SELP: variants seen among roughly 807,000 people sequenced by gnomAD.
SELP encodes the protein selectin P.
A neutral mutation model predicts 104.1 loss-of-function variants in SELP; 92 were observed. That is an observed-to-expected ratio of 0.88 (90% confidence interval 0.75 to 1.05). The LOEUF (loss-of-function observed/expected upper bound fraction) is 1.05. Among genes scored for constraint, SELP ranks in the 50% least tolerant of loss-of-function variants. The probability of loss-of-function intolerance (pLI) is 0.00; values close to 1 mark genes in which losing one functional copy is unlikely to be tolerated. For synonymous variants in SELP, 397 were observed against 364.5 expected, an observed-to-expected ratio of 1.09 and a Z score of -1.01; for missense variants, 1,022 against 1,017.3, an observed-to-expected ratio of 1.00 and a Z score of -0.06.
chr1:169,615,757 T>C lies in SELP; in HGVS notation c.481+1271A>G, dbSNP rs1281143369. 2.0e-5 allele frequency among the ~76,000 whole-genome samples: 3 copies of C among 152,186 alleles called. No individual in the cohort carries two copies. The East Asian group carries it at 5.8e-4, about 29-fold the overall frequency. On this transcript the variant is annotated intron_variant, in intron 3 of 16. Transcript: ENST00000263686. ...TAGATCTGATTATATGATAATGCAT[T>C]CATGGATATGTTTTGCCTCAGCTAG...
rs1246155405 is a variant in SELP, at chr1:169,612,296, C to T, written c.882G>A (p.Glu294=). 3 of 1,614,068 alleles carry T rather than the reference C, an allele frequency of 1.9e-6. No individual in the cohort carries two copies. Among genetic ancestry groups the T allele is most frequent in the Non-Finnish European group, 1.7e-6 (2 of 1,180,036 alleles). Reference sequence around the variant, plus strand: ...CTTCCGGTCCAACTAATGCAAATCCCTCTTCACAACTGAAGCTGCAGCTAG... The same window carrying T: ...CTTCCGGTCCAACTAATGCAAATCCTTCTTCACAACTGAAGCTGCAGCTAG... ...HQSSCSFSCE[E]GFALVGPEVV... The change falls in exon 6 of 17, where the codon GAG becomes GAA. Residue 294 remains glutamate, a synonymous_variant. Coordinates refer to ENST00000263686, the MANE Select transcript of SELP (RefSeq NM_003005.4).
Position 169,607,130 on chromosome 1 carries a change from C to G in SELP, c.1338G>C (p.Leu446Phe). 6.3e-7 allele frequency: 1 copy of G among 1,596,780 alleles called. No homozygotes were observed. The highest frequency in any genetic ancestry group is 8.6e-7 in the Non-Finnish European group (1 of 1,166,304). Reference protein sequence around the residue: ...WTAPAPVCQALQCQDLPVPNE... With the variant: ...WTAPAPVCQAFQCQDLPVPNE... The stretch of plus-strand genomic sequence containing the variant: ...TTGGAACTGGGAGATCCTGGCACTG[C>G]AAAGCTAAGGGATGAGGAAGTAAGG... Residue 446 changes from leucine to phenylalanine, a missense_variant, in exon 9 of 17, where the codon TTG becomes TTC. Physicochemically the swap from Leu to Phe is conservative, Grantham distance 22 (BLOSUM62 0). Transcript: ENST00000263686.
At chr1:169,604,303 T>C (rs1483282787) in intron 9 of SELP, among the ~76,000 whole-genome samples, 1 of 151,990 alleles carries the variant, frequency 6.6e-6, no homozygotes, top group Non-Finnish European at 1.5e-5. Flanking sequence ...GGGTTGTTTG[T>C]TTTTTTCTTG....
chr1:169,602,921 T>G, intron 10 of SELP, 105 bp downstream of exon 10: 1 of 838,126 alleles, frequency 1.2e-6, no homozygotes, highest in African/African-American at 1.7e-5. Flanking sequence ...TTGTGGAGAG[T>G]GTTGTTTGCT....
rs1414565121 is a variant in SELP at position 169,609,573 on chromosome 1, G to T, written c.1264C>A (p.Leu422Met). The T allele has an allele frequency of 1.2e-6, 2 of 1,613,928 alleles. No individual in the cohort carries two copies. The highest frequency in any genetic ancestry group is 2.7e-5 in the African/African-American group (2 of 74,868). Reference sequence around the variant, plus strand: ...CACCGAACTATATCGGCTCCTCTCAGCATGAAACCTTCAGCACAGCGGAAG... The same window carrying T: ...CACCGAACTATATCGGCTCCTCTCATCATGAAACCTTCAGCACAGCGGAAG... ...CSFRCAEGFM[L>M]RGADIVRCDN... The change falls in exon 8 of 17, where the codon CTG becomes ATG. Residue 422 changes from leucine to methionine, a missense_variant. Transcript: ENST00000263686.
chr1:169,609,319 A>G (rs1662368021), intron 8 of SELP, among the ~76,000 whole-genome samples, 185 bp downstream of exon 8: 1 of 152,168 alleles, frequency 6.6e-6, no homozygotes, highest in Non-Finnish European at 1.5e-5. Flanking sequence ...ACTATAGTGG[A>G]CATGTGCCTA....
At position 169,597,030 on chromosome 1, in the gene SELP, T is replaced by C. The variant is rs1440725122; in HGVS notation, c.1852A>G (p.Thr618Ala). 2 of 1,613,180 alleles carry C rather than the reference T, an allele frequency of 1.2e-6. No homozygotes were observed. The highest frequency in any genetic ancestry group is 1.3e-5 in the African/African-American group (1 of 74,820). ...GGAGTAGCTGACCATCTTCCAGAAG[T>C]TGTGCATTCCACATTATTGGGCCCC... is the stretch of plus-strand genomic sequence containing the variant. ...LEGPNNVECTTSGRWSATPPT... is the reference protein window; with the variant it reads ...LEGPNNVECTASGRWSATPPT... Residue 618 changes from threonine to alanine, a missense_variant, in exon 11 of 17, where the codon ACT becomes GCT. Physicochemically the swap from Thr to Ala is moderately conservative, Grantham distance 58. Transcript: ENST00000263686.
At position 169,613,885 on chromosome 1, in the gene SELP, C is replaced by T. The variant is rs546316720; in HGVS notation, c.482-192G>A. 4.6e-5 allele frequency among the ~76,000 whole-genome samples: 7 copies of T among 152,300 alleles called. No individual in the cohort carries two copies. The East Asian group carries it at 5.8e-4, about 13-fold the overall frequency. ...ATTGTAGGGGCCTGCTGGAGTATTG[C>T]GTGGCTCCCATTTCATACTGCATTT... On this transcript the variant is annotated intron_variant, in intron 3 of 16. Coordinates refer to ENST00000263686, the MANE Select transcript of SELP (RefSeq NM_003005.4).
intron 14 of SELP, 25 bp downstream of exon 14, chr1:169,593,580 A>G (rs1661444193): frequency 6.2e-7 from 1 of 1,605,578 alleles, no homozygotes; most frequent in Non-Finnish European, 8.5e-7. Context: ...ACCAAGATGC[A>G]AAGAGAAGAC....
At chr1:169,595,629 A>T (rs1232528991) in intron 12 of SELP, among the ~76,000 whole-genome samples, 1 of 152,228 alleles carries the variant, frequency 6.6e-6, no homozygotes, top group African/African-American at 2.4e-5. Flanking sequence ...CAATTTCTAT[A>T]GCAGGTTTTA....
At chr1:169,615,754 C>A (rs1662777109) in intron 3 of SELP, among the ~76,000 whole-genome samples, 1 of 152,008 alleles carries the variant, frequency 6.6e-6, no homozygotes, top group South Asian at 2.1e-4. Flanking sequence ...TATGATAATG[C>A]ATTCATGGAT....
At position 169,629,945 on chromosome 1, in the gene SELP, G is replaced by A. The variant is rs147715209; in HGVS notation, c.3+127C>T. 1.4e-3 allele frequency: 1,715 copies of A among 1,202,050 alleles called. 6 individuals carry two copies. The highest frequency in any genetic ancestry group is 5.5e-3 in the Middle Eastern group (29 of 5,236). 74.5% of individuals were successfully genotyped at this position (1,202,050 alleles called of 1,614,324 possible). A position where few individuals can be genotyped will look rare whatever the true frequency, so the allele number is the denominator to read the frequency against. On this transcript the variant is annotated intron_variant, in intron 1 of 16. Transcript: ENST00000263686. ...TTAAAAGTACTCACAAAATCTAATAGGCAATTCAACATAAAACTCCATGGC... is the reference window on the plus strand; with the variant it reads ...TTAAAAGTACTCACAAAATCTAATAAGCAATTCAACATAAAACTCCATGGC...
At chr1:169,600,717 G>A (rs552494183) in intron 10 of SELP, among the ~76,000 whole-genome samples, 6 of 152,184 alleles carry the variant, frequency 3.9e-5, no homozygotes. Context: ...GGGGTTCTAG[G>A]GGGCAGTGCT....
chr1:169,590,386 G>T (rs796091066), intron 15 of SELP, among the ~76,000 whole-genome samples, 184 bp from the exon 16 acceptor site: 10 of 152,284 alleles, frequency 6.6e-5, no homozygotes, highest in African/African-American at 2.4e-4. Flanking sequence ...TGGGTAATTT[G>T]CATTGCATTT....
intron 9 of SELP, among the ~76,000 whole-genome samples, chr1:169,605,453 C>T (rs948158209): frequency 6.1e-5 from 9 of 148,350 alleles, no homozygotes; most frequent in African/African-American, 1.2e-4. Context: ...CATTCATTTA[C>T]TGTTGACCTA....
intron 10 of SELP, among the ~76,000 whole-genome samples, chr1:169,601,586 C>T (rs1467077715): frequency 4.6e-5 from 7 of 152,196 alleles, no homozygotes; most frequent in Non-Finnish European, 8.8e-5. Flanking sequence ...GCAGTTATAG[C>T]TGCAATCTGT....
intron 10 of SELP, among the ~76,000 whole-genome samples, chr1:169,600,167 C>T (rs1015033490): frequency 6.6e-6 from 1 of 152,160 alleles, no homozygotes; most frequent in Non-Finnish European, 1.5e-5. Flanking sequence ...AAATAACCGA[C>T]TCTCTGTATC....
chr1:169,623,577 T>C (rs1168927102), intron 1 of SELP, among the ~76,000 whole-genome samples: 1 of 152,150 alleles, frequency 6.6e-6, no homozygotes, highest in Non-Finnish European at 1.5e-5. Context: ...GTTTTAAACA[T>C]TTGAAGGTTT....
chr1:169,607,079 G>T lies in SELP; in HGVS notation c.1389C>A (p.His463Gln), dbSNP rs1334144457. The change falls in exon 9 of 17, where the codon CAC becomes CAA. Residue 463 changes from histidine (H) to glutamine (Q), a missense_variant. Physicochemically the swap from His to Gln is conservative, Grantham distance 24. Transcript: ENST00000263686. ...ACTGGTACCTAAAGGCACCGAAGGG[G>T]TGGGAGCAGTTCACCCGGGCCTCAT... ...VPNEARVNCSHPFGAFRYQSV... is the reference protein window; with the variant it reads ...VPNEARVNCSQPFGAFRYQSV... 6.2e-7 allele frequency: 1 copy of T among 1,611,676 alleles called. No individual in the cohort carries two copies. Among genetic ancestry groups the T allele is most frequent in the Admixed American group, 1.7e-5 (1 of 59,958 alleles).
Sources: gnomAD v4.1 joint callset for allele counts (sites outside exome capture counted in the v4.1 genomes callset) on GRCh38, gnomAD v4.1.1 for gene constraint, MANE v1.5 for transcripts, NCBI Gene and HGNC (gene_info 2026-07-23, HGNC 2026-07-21) for gene names.